MAOB: variants seen among roughly 807,000 people sequenced by gnomAD.
MAOB encodes the protein amine oxidase [flavin-containing] B.
In MAOB, 15 loss-of-function variants were observed where a neutral mutation model predicts 41.9. The ratio of observed to expected loss-of-function variants is 0.36; its 90% CI spans 0.24 to 0.55. The LOEUF (loss-of-function observed/expected upper bound fraction) is 0.55. Among genes scored for constraint, MAOB ranks in the 20% least tolerant of loss-of-function variants. The probability of loss-of-function intolerance (pLI) is 0.86; values close to 1 mark genes in which losing one functional copy is unlikely to be tolerated. For missense variants in MAOB, 345 were observed against 398.7 expected (o/e 0.87, Z 1.15); for synonymous variants, 167 against 144.2 (o/e 1.16, Z -1.13).
At chrX:43,782,577 T>G (rs769855897) in intron 8 of MAOB, among the ~76,000 whole-genome samples, 1 of 111,639 alleles carries the variant, frequency 9.0e-6, no homozygotes, top group Non-Finnish European at 1.9e-5. Context: ...GAGGAGCTGG[T>G]ACCATTCATT....
chrX:43,823,084 C>T (rs1376521978), intron 3 of MAOB, among the ~76,000 whole-genome samples: 2 of 109,366 alleles, frequency 1.8e-5, no homozygotes, highest in African/African-American at 3.3e-5. Flanking sequence ...AATCACACAG[C>T]TAGTAAATAG....
At chrX:43,825,433 G>T (rs1438199298) in intron 3 of MAOB, among the ~76,000 whole-genome samples, 2 of 110,023 alleles carry the variant, frequency 1.8e-5, no homozygotes, top group Non-Finnish European at 3.8e-5. Flanking sequence ...TCTCTCACCT[G>T]CTTTAGGTTT....
At chrX:43,880,540 T>C (rs2035466717) in intron 1 of MAOB, among the ~76,000 whole-genome samples, 1 of 112,680 alleles carries the variant, frequency 8.9e-6, no homozygotes, top group Non-Finnish European at 1.9e-5. Context: ...AGACTGGGCC[T>C]TGGAAGGCTG....
intron 9 of MAOB, among the ~76,000 whole-genome samples, chrX:43,780,797 G>C (rs1188738941): frequency 9.0e-6 from 1 of 111,676 alleles, no homozygotes; most frequent in African/African-American, 3.3e-5. Context: ...TGTCTCCCTA[G>C]CACCCAACCT....
At chrX:43,810,307 C>T (rs1003079582) in intron 3 of MAOB, among the ~76,000 whole-genome samples, 3 of 107,785 alleles carry the variant, frequency 2.8e-5, no homozygotes, top group Non-Finnish European at 5.8e-5. Context: ...ACAGTAGCTG[C>T]CATGGTCACT....
chrX:43,865,424 A>G (rs981491663), intron 1 of MAOB, among the ~76,000 whole-genome samples: 1 of 111,920 alleles, frequency 8.9e-6, no homozygotes, highest in Admixed American at 9.5e-5. Flanking sequence ...GGGAATGAGG[A>G]ATGACTGCTA....
intron 3 of MAOB, among the ~76,000 whole-genome samples, chrX:43,816,724 G>A (rs764759378): frequency 6.0e-4 from 67 of 112,018 alleles, no homozygotes; most frequent in African/African-American, 2.1e-3. Context: ...CATACTTGCT[G>A]TAGTGACTGA....
intron 1 of MAOB, among the ~76,000 whole-genome samples, chrX:43,857,128 G>A (rs764676370): frequency 4.9e-5 from 1 of 20,548 alleles, no homozygotes. Context: ...GAGAGAGAGA[G>A]AGAGAGAGAG....
chrX:43,784,338 C>A (rs1434492134), intron 8 of MAOB, among the ~76,000 whole-genome samples: 1 of 112,397 alleles, frequency 8.9e-6, no homozygotes, highest in Non-Finnish European at 1.9e-5. Flanking sequence ...TATAGCTTTA[C>A]AAAATGTATT....
intron 3 of MAOB, among the ~76,000 whole-genome samples, chrX:43,831,560 G>T (rs1412549659): frequency 9.0e-6 from 1 of 110,601 alleles, no homozygotes; most frequent in African/African-American, 3.3e-5. Flanking sequence ...ATGACTGAGA[G>T]AGGGAGGAAG....
At chrX:43,787,353 A>G (rs1414879710) in intron 8 of MAOB, among the ~76,000 whole-genome samples, 1 of 111,807 alleles carries the variant, frequency 8.9e-6, no homozygotes. Flanking sequence ...ACAAAATTAA[A>G]GGAAAAATAA....
In MAOB at chrX:43,810,097, G is replaced by T. The variant is rs5906031; in HGVS notation, c.280-6693C>A. Among the ~76,000 whole-genome samples, 47 of 101,541 alleles carry T rather than the reference G, an allele frequency of 4.6e-4. 3 individuals are homozygous for T. Among genetic ancestry groups the T allele is most frequent in the African/African-American group, 1.7e-3 (43 of 25,426 alleles). 88.2% of individuals were successfully genotyped at this position (101,541 alleles called of 115,157 possible). On this transcript the variant is annotated intron_variant, in intron 3 of 14. Coordinates refer to ENST00000378069, the MANE Select transcript of MAOB (RefSeq NM_000898.5). ...TCTCTACTAAAAATACAAAAAATTAGCCGGGCGTGGTGGCGGGCGCCTGTA... is the reference window on the plus strand; with the variant it reads ...TCTCTACTAAAAATACAAAAAATTATCCGGGCGTGGTGGCGGGCGCCTGTA...
chrX:43,871,251 A>G (rs933113866), intron 1 of MAOB, among the ~76,000 whole-genome samples: 2 of 111,344 alleles, frequency 1.8e-5, no homozygotes, highest in Admixed American at 1.9e-4. Context: ...AGCAGCCAAC[A>G]CTCTCAGCAG....
At chrX:43,858,387 G>A (rs1156520188) in intron 1 of MAOB, among the ~76,000 whole-genome samples, 1 of 110,839 alleles carries the variant, frequency 9.0e-6, no homozygotes, top group Non-Finnish European at 1.9e-5. Flanking sequence ...CCTGCCCTCT[G>A]CCAACCTCTC....
At chrX:43,830,372 G>A (rs2035003849) in intron 3 of MAOB, among the ~76,000 whole-genome samples, 1 of 111,551 alleles carries the variant, frequency 9.0e-6, no homozygotes, top group Non-Finnish European at 1.9e-5. Flanking sequence ...AAGGATCTCA[G>A]CTAAGCCCAG....
At position 43,793,539 on chromosome X, in the gene MAOB, T is replaced by G; in HGVS notation, c.808A>C (p.Met270Leu). The change falls in exon 8 of 15, where the codon ATG becomes CTG. Residue 270 changes from methionine (M) to leucine (L), a missense_variant. Met to Leu is a conservative substitution (Grantham distance 15, BLOSUM62 2). Coordinates refer to ENST00000378069, the MANE Select transcript of MAOB (RefSeq NM_000898.5). ...AGAGGGGGATTGAAGTGAATCTTCA[T>G]GCCCAGAGTAGGAGGAATAGCACTA... ...VISAIPPTLG[M>L]KIHFNPPLPM... 8.3e-7 allele frequency: 1 copy of G among 1,203,856 alleles called. No individual in the cohort carries two copies. Among genetic ancestry groups the G allele is most frequent in the Non-Finnish European group, 1.1e-6 (1 of 890,151 alleles).
intron 1 of MAOB, among the ~76,000 whole-genome samples, chrX:43,849,151 A>T (rs945566814): frequency 8.9e-6 from 1 of 111,975 alleles, no homozygotes; most frequent in Admixed American, 9.5e-5. Flanking sequence ...ATCACTGAAA[A>T]CAGCTAACAT....
intron 1 of MAOB, chrX:43,850,242 T>C (rs1376283890): frequency 2.0e-6 from 1 of 491,403 alleles, no homozygotes; most frequent in Non-Finnish European, 2.5e-6. Flanking sequence ...AGATCCATGT[T>C]GCTAAAACAA....
At chrX:43,828,065 T>G (rs911017419) in intron 3 of MAOB, among the ~76,000 whole-genome samples, 2 of 111,614 alleles carry the variant, frequency 1.8e-5, no homozygotes, top group Admixed American at 9.5e-5. Flanking sequence ...CAACCTGTTG[T>G]TTTTAGATGG....
Sources: allele counts gnomAD v4.1 joint callset (sites outside exome capture counted in the v4.1 genomes callset), GRCh38; gene constraint gnomAD v4.1.1; transcripts MANE v1.5; gene names NCBI Gene and HGNC (gene_info 2026-07-23, HGNC 2026-07-21).